WDR7: variants seen among roughly 807,000 people sequenced by gnomAD.
WDR7 encodes the protein WD repeat-containing protein 7.
In WDR7, 46 loss-of-function variants were observed where a neutral mutation model predicts 169.4. That is an observed-to-expected ratio of 0.27 (90% CI 0.21 to 0.35). The LOEUF is 0.35. Ranked by LOEUF, WDR7 falls within the 10% of genes least tolerant of loss-of-function variation. WDR7 has a pLI of 1.00. For synonymous variants in WDR7, 612 were observed against 666.8 expected, an observed-to-expected ratio of 0.92 and a Z score of 1.27; for missense variants, 1,534 against 1,859.3, an observed-to-expected ratio of 0.83 and a Z score of 3.22.
At chr18:56,694,040 T>G (rs1447802965) in intron 9 of WDR7, among the ~76,000 whole-genome samples, 2 of 151,908 alleles carry the variant, frequency 1.3e-5, no homozygotes, top group East Asian at 3.8e-4. Context: ...GGGCTAAGTT[T>G]TTTTTTTTTT....
intron 14 of WDR7, chr18:56,753,468 G>C (rs1361401085): frequency 2.6e-5 from 4 of 152,124 alleles, no homozygotes; most frequent in Non-Finnish European, 5.9e-5. Flanking sequence ...CAAATATCTA[G>C]AACAACAAAT....
intron 13 of WDR7, among the ~76,000 whole-genome samples, chr18:56,729,114 A>T (rs890966504): frequency 6.6e-6 from 1 of 152,188 alleles, no homozygotes; most frequent in East Asian, 1.9e-4. Context: ...TTTATTTTAG[A>T]TATCAATAAG....
chr18:56,931,420 C>G (rs1484582722), intron 22 of WDR7, among the ~76,000 whole-genome samples: 1 of 152,232 alleles, frequency 6.6e-6, no homozygotes, highest in African/African-American at 2.4e-5. Flanking sequence ...AGATCAATTG[C>G]TTTGACTTCA....
At chr18:56,675,579 C>T (rs765458253) in intron 2 of WDR7, among the ~76,000 whole-genome samples, 1 of 151,556 alleles carries the variant, frequency 6.6e-6, no homozygotes, top group Admixed American at 6.6e-5. Flanking sequence ...CCTTATTGGA[C>T]TTATTACTTC....
intron 26 of WDR7, among the ~76,000 whole-genome samples, chr18:56,974,888 A>C (rs2047543094): frequency 6.6e-6 from 1 of 152,198 alleles, no homozygotes; most frequent in South Asian, 2.1e-4. Flanking sequence ...GACAGTCTGC[A>C]GAGGAGGACA....
At chr18:56,981,173 G>A (rs1489944604) in intron 26 of WDR7, among the ~76,000 whole-genome samples, 1 of 152,174 alleles carries the variant, frequency 6.6e-6, no homozygotes, top group African/African-American at 2.4e-5. Flanking sequence ...CTGAACTTGT[G>A]ATGACTTTGG....
downstream of WDR7, chr18:57,033,767 A>G (rs994744479): frequency 1.4e-5 from 2 of 147,792 alleles, no homozygotes; most frequent in African/African-American, 5.0e-5. Context: ...ATTGCTTCCC[A>G]GCCAAAGAGA....
chr18:56,814,163 A>C (rs1400969373), intron 19 of WDR7, among the ~76,000 whole-genome samples: 1 of 152,218 alleles, frequency 6.6e-6, no homozygotes, highest in Non-Finnish European at 1.5e-5. Context: ...AGCCTCTCTG[A>C]TTAAATGAGA....
chr18:56,823,735 C>T (rs1248675930), intron 20 of WDR7, among the ~76,000 whole-genome samples: 1 of 152,160 alleles, frequency 6.6e-6, no homozygotes, highest in Non-Finnish European at 1.5e-5. Context: ...TCCTGGCTTT[C>T]CCACTTTTTA....
At chr18:56,672,697 A>G (rs1568129056) in intron 2 of WDR7, 23 bp downstream of exon 2, 3 of 1,569,920 alleles carry the variant, frequency 1.9e-6, no homozygotes, top group Non-Finnish European at 2.6e-6. Flanking sequence ...AATGCCTATT[A>G]TACATTTTAG....
At chr18:57,021,934 C>T (rs1007315233) in intron 27 of WDR7, among the ~76,000 whole-genome samples, 5 of 152,210 alleles carry the variant, frequency 3.3e-5, no homozygotes, top group African/African-American at 9.6e-5. Flanking sequence ...TAAGTAACAA[C>T]GTGCTATTAA....
intron 25 of WDR7, among the ~76,000 whole-genome samples, chr18:56,960,085 A>C (rs1452151853): frequency 6.6e-6 from 1 of 152,230 alleles, no homozygotes; most frequent in East Asian, 1.9e-4. Context: ...TTCACTGTCC[A>C]GAATTCTTTA....
chr18:56,946,786 A>T (rs2047109070), intron 25 of WDR7, among the ~76,000 whole-genome samples: 1 of 152,166 alleles, frequency 6.6e-6, no homozygotes, highest in Non-Finnish European at 1.5e-5. Flanking sequence ...CATTGTGAGA[A>T]TATTATCAGC....
At chr18:56,876,461 G>T (rs969715901) in intron 20 of WDR7, among the ~76,000 whole-genome samples, 1 of 152,084 alleles carries the variant, frequency 6.6e-6, no homozygotes, top group East Asian at 1.9e-4. Flanking sequence ...TATCTCTGTG[G>T]ACCAGTAATG....
At chr18:56,725,742 TG>T (rs2026434876) in intron 13 of WDR7, among the ~76,000 whole-genome samples, 1 of 152,244 alleles carries the variant, frequency 6.6e-6, no homozygotes, top group Non-Finnish European at 1.5e-5. Context: ...GCCTATGTCC[TG>T]AATGGTATTG....
intron 26 of WDR7, among the ~76,000 whole-genome samples, chr18:57,012,192 A>G (rs549235649): frequency 6.6e-6 from 1 of 152,208 alleles, no homozygotes; most frequent in African/African-American, 2.4e-5. Flanking sequence ...CAAATAAAAG[A>G]GTGTTTCTTC....
chr18:56,769,243 G>A (rs1226412756), intron 16 of WDR7, among the ~76,000 whole-genome samples: 3 of 150,092 alleles, frequency 2.0e-5, no homozygotes, highest in Non-Finnish European at 3.0e-5. Context: ...CCTTTGAGAC[G>A]GAGTCTCACT....
intron 21 of WDR7, among the ~76,000 whole-genome samples, chr18:56,915,156 G>T (rs766308337): frequency 2.0e-5 from 3 of 152,116 alleles, no homozygotes; most frequent in Admixed American, 6.5e-5. Context: ...TTTAATAATT[G>T]CATTAACACA....
intron 21 of WDR7, among the ~76,000 whole-genome samples, chr18:56,882,051 C>G (rs2046115823): frequency 6.6e-6 from 1 of 152,196 alleles, no homozygotes; most frequent in African/African-American, 2.4e-5. Context: ...TCCACCTGGG[C>G]ACATTACTCT....
Sources: allele counts gnomAD v4.1 joint callset (sites outside exome capture counted in the v4.1 genomes callset), GRCh38; gene constraint gnomAD v4.1.1; transcripts MANE v1.5; gene names NCBI Gene and HGNC (gene_info 2026-07-23, HGNC 2026-07-21).